The following FOXO3 variants were observed in gnomAD, a reference collection of about 807,000 sequenced individuals.
The protein encoded by FOXO3 is forkhead box protein O3.
A neutral mutation model predicts 41.9 loss-of-function variants in FOXO3; 4 were observed. That is an observed-to-expected ratio of 0.10 (90% CI 0.05 to 0.22). The LOEUF (loss-of-function observed/expected upper bound fraction) is 0.22. Among genes scored for constraint, FOXO3 ranks in the 10% least tolerant of loss-of-function variants. The pLI, the probability that FOXO3 is intolerant of heterozygous loss-of-function variation, is 1.00. For missense variants in FOXO3, 534 were observed against 906.8 expected, an observed-to-expected ratio of 0.59 and a Z score of 5.28; for synonymous variants, 318 against 389.3, an observed-to-expected ratio of 0.82 and a Z score of 2.16.
intron 1 of FOXO3, among the ~76,000 whole-genome samples, chr6:108,625,871 G>A (rs1331299724): frequency 6.6e-6 from 1 of 152,188 alleles, no homozygotes; most frequent in African/African-American, 2.4e-5. Flanking sequence ...TCCCACCACA[G>A]GTCCTCAGTA....
In FOXO3 at chr6:108,592,204, G is replaced by A. The variant is rs369716719; in HGVS notation, c.621+30375G>A. ...AATGTTTTATATCTTAATTGTGGTG[G>A]TGCTTACACTGGTGTAAATATATTT... On this transcript the variant is annotated intron_variant, in intron 1 of 2. Transcript: ENST00000406360. Among the ~76,000 whole-genome samples, 40 of 152,280 alleles carry A rather than the reference G, an allele frequency of 2.6e-4. 1 individual carries two copies. In the South Asian group the frequency reaches 8.1e-3, roughly 31 times the overall value.
chr6:108,578,120 A>C (rs1053164487), intron 1 of FOXO3, among the ~76,000 whole-genome samples: 1 of 152,222 alleles, frequency 6.6e-6, no homozygotes, highest in Admixed American at 6.5e-5. Flanking sequence ...TGATGTTTGA[A>C]GGTAATGGTT....
chr6:108,570,515 T>TA (rs1188098082), intron 1 of FOXO3, among the ~76,000 whole-genome samples: 1 of 151,968 alleles, frequency 6.6e-6, no homozygotes, highest in Non-Finnish European at 1.5e-5. Context: ...TTTGTAGAGA[T>TA]ATGAGGTCTC....
At chr6:108,587,954 CCCT>C (rs1776630005) in intron 1 of FOXO3, among the ~76,000 whole-genome samples, 1 of 152,214 alleles carries the variant, frequency 6.6e-6, no homozygotes, top group Admixed American at 6.5e-5. Context: ...CCCCCATCCT[CCCT>C]CCTCCTCTAG....
chr6:108,646,213 A>G (rs989240590), intron 1 of FOXO3, among the ~76,000 whole-genome samples: 5 of 152,332 alleles, frequency 3.3e-5, no homozygotes, highest in Admixed American at 2.0e-4. Flanking sequence ...ATAGTCTTGC[A>G]TGGAACTCTT....
In FOXO3 at chr6:108,664,358, G is replaced by T. The variant is rs535867091; in HGVS notation, c.1525G>T (p.Val509Leu). 6.2e-7 allele frequency: 1 copy of T among 1,613,260 alleles called. No individual in the cohort carries two copies. The highest frequency in any genetic ancestry group is 8.5e-7 in the Non-Finnish European group (1 of 1,179,552). Reference protein sequence around the residue: ...AVSAQNSRRNVMLRNDPMMSF... With the variant: ...AVSAQNSRRNLMLRNDPMMSF... ...GTCTGCCCAGAATTCCCGCCGGAAC[G>T]TGATGCTTCGCAATGATCCGATGAT... The change falls in exon 2 of 3, where the codon GTG (valine) becomes TTG (leucine). Residue 509 changes from valine (V) to leucine (L), a missense_variant. Coordinates refer to ENST00000406360, the MANE Select transcript of FOXO3 (RefSeq NM_001455.4).
chr6:108,637,819 A>C (rs896289653), intron 1 of FOXO3, among the ~76,000 whole-genome samples: 2 of 152,152 alleles, frequency 1.3e-5, no homozygotes, highest in Non-Finnish European at 2.9e-5. Flanking sequence ...TTCAGTTGAT[A>C]AAATGTTCAA....
intron 2 of FOXO3, among the ~76,000 whole-genome samples, chr6:108,677,433 T>C (rs1770654015): frequency 6.6e-6 from 1 of 152,218 alleles, no homozygotes; most frequent in East Asian, 1.9e-4. Context: ...TCTTTCCTGC[T>C]GTGTTGGCCC....
At chr6:108,605,322 T>C (rs1308032262) in intron 1 of FOXO3, among the ~76,000 whole-genome samples, 1 of 152,194 alleles carries the variant, frequency 6.6e-6, no homozygotes, top group East Asian at 1.9e-4. Context: ...TTTCACCATA[T>C]TGGCCAGGCT....
chr6:108,610,431 A>G (rs1170367157), intron 1 of FOXO3, among the ~76,000 whole-genome samples: 1 of 152,226 alleles, frequency 6.6e-6, no homozygotes, highest in Non-Finnish European at 1.5e-5. Context: ...TACAAGTGAA[A>G]GTCATGGGAC....
intron 1 of FOXO3, among the ~76,000 whole-genome samples, chr6:108,575,021 T>C (rs1776223744): frequency 6.6e-6 from 1 of 152,162 alleles, no homozygotes; most frequent in African/African-American, 2.4e-5. Flanking sequence ...CAGTAGAAGT[T>C]GGCAGTGCCA....
chr6:108,560,799 T>G, upstream of FOXO3: 1 of 349,382 alleles, frequency 2.9e-6, no homozygotes, highest in Non-Finnish European at 4.8e-6. Flanking sequence ...CCCTCCCCCT[T>G]CTCCCCGCCC....
chr6:108,633,605 T>G (rs1761204233), intron 1 of FOXO3, among the ~76,000 whole-genome samples: 1 of 152,144 alleles, frequency 6.6e-6, no homozygotes, highest in African/African-American at 2.4e-5. Context: ...ACTTAGGTCA[T>G]TATAATTCTG....
chr6:108,671,749 C>G (rs1779222051), intron 2 of FOXO3, among the ~76,000 whole-genome samples: 1 of 152,154 alleles, frequency 6.6e-6, no homozygotes, highest in Non-Finnish European at 1.5e-5. Flanking sequence ...CTAGATTCCC[C>G]TGGGTTTTTC....
At chr6:108,618,214 C>A (rs777790288) in intron 1 of FOXO3, 102 of 863,538 alleles carry the variant, frequency 1.2e-4, no homozygotes, top group Admixed American at 3.2e-4. Context: ...CAGAACCACC[C>A]TGCCCCACCA....
intron 1 of FOXO3, among the ~76,000 whole-genome samples, chr6:108,637,260 T>TG (rs1778143987): frequency 6.6e-6 from 1 of 152,144 alleles, no homozygotes; most frequent in Admixed American, 6.5e-5. Context: ...TTAAGTTTGA[T>TG]GAGCTCCTTG....
At position 108,663,693 on chromosome 6, in the gene FOXO3, A is replaced by G; in HGVS notation, c.860A>G (p.Gln287Arg). ...GAATCAGCTGACGACAGTCCCTCCC[A>G]GCTCTCCAAGTGGCCTGGCAGCCCC... ...APESADDSPS[Q>R]LSKWPGSPTS... is the part of the protein sequence containing the mutation. The change falls in exon 2 of 3, where the codon CAG becomes CGG. Residue 287 changes from glutamine (Q) to arginine (R), a missense_variant. Around this residue, in one of 8 missense-constraint regions of FOXO3, gnomAD observed 185 missense variants for 224.9 expected, o/e 0.82. Transcript: ENST00000406360. The G allele has an allele frequency of 6.2e-7, 1 of 1,613,482 alleles. No individual in the cohort carries two copies. The highest frequency in any genetic ancestry group is 1.1e-5 in the South Asian group (1 of 91,018).
chr6:108,578,236 A>G (rs1208388804), intron 1 of FOXO3, among the ~76,000 whole-genome samples: 1 of 152,230 alleles, frequency 6.6e-6, no homozygotes, highest in East Asian at 1.9e-4. Flanking sequence ...AGACTAAATC[A>G]GAAACTCTTT....
Position 108,680,057 on chromosome 6 carries a change from G to A in FOXO3, c.*265G>A, listed in dbSNP as rs1293691794. 1.3e-5 allele frequency: 2 copies of A among 152,698 alleles called. No homozygotes were observed. Among genetic ancestry groups the A allele is most frequent in the African/African-American group, 4.8e-5 (2 of 41,434 alleles). The allele number at this position is 152,698 out of a possible 1,614,324, so 9.5% of individuals were successfully genotyped here. ...GTACAGGGTGGTGAGCCGCCTGCCA[G>A]TGGAGGACAGCACCCCTCAGCACCA... On this transcript the variant is annotated 3_prime_UTR_variant, in exon 3 of 3. Coordinates refer to ENST00000406360, the MANE Select transcript of FOXO3 (RefSeq NM_001455.4).
Sources: allele counts gnomAD v4.1 joint callset (sites outside exome capture counted in the v4.1 genomes callset), GRCh38; gene constraint gnomAD v4.1.1; regional missense constraint gnomAD v4.1.1; transcripts MANE v1.5; gene names NCBI Gene and HGNC (gene_info 2026-07-23, HGNC 2026-07-21).